MEPE: variants seen among roughly 807,000 people sequenced by gnomAD.
MEPE encodes the protein matrix, extracellular phosphoglycoprotein with ASARM motif (bone).
A neutral mutation model predicts 7.3 loss-of-function variants in MEPE; 7 were observed. The ratio of observed to expected loss-of-function variants is 0.95; its 90% CI spans 0.54 to 1.79. MEPE has a LOEUF of 1.79. MEPE is among the 40% of genes most tolerant of loss of function. MEPE has a pLI of 0.00. For synonymous variants in MEPE, 214 were observed against 213.1 expected (o/e 1.00, Z -0.04); for missense variants, 623 against 628.2 (o/e 0.99, Z 0.09).
chr4:87,834,953 T>C (rs967786253), intron 2 of MEPE, among the ~76,000 whole-genome samples, 185 bp downstream of exon 2: 4 of 152,192 alleles, frequency 2.6e-5, no homozygotes, highest in Admixed American at 2.0e-4. Flanking sequence ...AATAAACATG[T>C]GCTGAATTAT....
At chr4:87,828,263 T>C (rs1366606848), upstream of MEPE, among the ~76,000 whole-genome samples, 3 of 152,218 alleles carry the variant, frequency 2.0e-5, no homozygotes, top group South Asian at 2.1e-4. Flanking sequence ...GGGGAAATAC[T>C]GTATATTTGT....
intron 1 of MEPE, among the ~76,000 whole-genome samples, chr4:87,825,915 C>G (rs1722452335): frequency 1.3e-5 from 2 of 152,162 alleles, no homozygotes; most frequent in African/African-American, 2.4e-5. Flanking sequence ...TCAACTCCCA[C>G]TTATAAGTGA....
chr4:87,844,837 C>T, intron 3 of MEPE, 140 bp from the exon 4 acceptor site: 1 of 621,368 alleles, frequency 1.6e-6, no homozygotes, highest in Middle Eastern at 4.7e-4. Flanking sequence ...TCTAGAATGA[C>T]CTCTACCAGT....
intron 1 of MEPE, among the ~76,000 whole-genome samples, chr4:87,827,653 A>G (rs1348104716): frequency 6.6e-6 from 1 of 152,236 alleles, no homozygotes; most frequent in Non-Finnish European, 1.5e-5. Context: ...GTCCTGAAGG[A>G]AAGGGCTAGC....
chr4:87,845,919 C>G lies in MEPE; in HGVS notation c.1051C>G (p.Pro351Ala), dbSNP rs560322208. ...GGGTAGTACCAATTTTAAGGAGCTC[C>G]CTGGAAGAGAAGGAAACAGAGTGGA... ...IMGSTNFKEL[P>A]GREGNRVDAG... The change falls in exon 4 of 4, where the codon CCT (proline) becomes GCT (alanine). Residue 351 changes from proline to alanine, a missense_variant. Transcript: ENST00000361056. 6 of 1,613,886 alleles carry G rather than the reference C, an allele frequency of 3.7e-6. No individual in the cohort carries two copies. The South Asian group carries it at 6.6e-5, about 18-fold the overall frequency.
chr4:87,821,989 C>T (rs60671415), intron 1 of MEPE, among the ~76,000 whole-genome samples: 1 of 152,136 alleles, frequency 6.6e-6, no homozygotes, highest in Admixed American at 6.5e-5. Context: ...CAGCCCTTAC[C>T]TGATGCCTAA....
intron 2 of MEPE, among the ~76,000 whole-genome samples, chr4:87,836,662 G>A (rs1235969291): frequency 6.6e-6 from 1 of 152,102 alleles, no homozygotes; most frequent in Non-Finnish European, 1.5e-5. Flanking sequence ...ATGCCTTGAC[G>A]ATAATTAATA....
chr4:87,824,109 A>C (rs1402469066), intron 1 of MEPE, among the ~76,000 whole-genome samples: 1 of 152,208 alleles, frequency 6.6e-6, no homozygotes, highest in Admixed American at 6.5e-5. Flanking sequence ...TCTTTTTAAA[A>C]TATAAATTCT....
At chr4:87,844,784 G>A (rs1010126570) in intron 3 of MEPE, among the ~76,000 whole-genome samples, 193 bp from the exon 4 acceptor site, 1 of 152,018 alleles carries the variant, frequency 6.6e-6, no homozygotes, top group African/African-American at 2.4e-5. Context: ...CATTTTTCAA[G>A]CCTAGTTCAT....
chr4:87,828,110 G>T (rs550184002), upstream of MEPE, among the ~76,000 whole-genome samples: 1 of 152,210 alleles, frequency 6.6e-6, no homozygotes, highest in Admixed American at 6.5e-5. Flanking sequence ...TCTTATTTTG[G>T]ATATCAGTGG....
chr4:87,829,882 T>TTTTTTTTG (rs1553915046), upstream of MEPE, among the ~76,000 whole-genome samples: 23 of 142,784 alleles, frequency 1.6e-4, no homozygotes, highest in South Asian at 2.2e-4. Flanking sequence ...TTTTTTTTTT[T>TTTTTTTTG]GGACTTTGCT....
chr4:87,829,658 C>A (rs1479163559), upstream of MEPE, among the ~76,000 whole-genome samples: 3 of 152,060 alleles, frequency 2.0e-5, no homozygotes, highest in East Asian at 5.8e-4. Flanking sequence ...ATTATATACA[C>A]ATTATTATAG....
In MEPE at chr4:87,834,677, G is replaced by A. The variant is rs368014793; in HGVS notation, c.-12-26G>A. The A allele has an allele frequency of 2.4e-5, 38 of 1,588,044 alleles. No individual in the cohort carries two copies. The African/African-American group carries it at 4.6e-4, about 19-fold the overall frequency. ...CAGTTTATAACTGGCAATGCTTTGTGGTAAGATATTGTTGTCTTTTTACAG... is the reference window on the plus strand; with the variant it reads ...CAGTTTATAACTGGCAATGCTTTGTAGTAAGATATTGTTGTCTTTTTACAG... On this transcript the variant is annotated intron_variant, in intron 1 of 3. Transcript: ENST00000361056.
upstream of MEPE, among the ~76,000 whole-genome samples, chr4:87,831,724 A>T (rs1722604172): frequency 6.6e-6 from 1 of 152,202 alleles, no homozygotes; most frequent in South Asian, 2.1e-4. Context: ...TCTGCCATCT[A>T]ATACCCTTCT....
chr4:87,836,198 GA>G (rs2109999268), intron 2 of MEPE, among the ~76,000 whole-genome samples: 1 of 152,226 alleles, frequency 6.6e-6, no homozygotes, highest in Non-Finnish European at 1.5e-5. Flanking sequence ...GGTGGCTTAA[GA>G]AATTAGTATA....
At chr4:87,833,171 G>A (rs1405715544) in intron 1 of MEPE, among the ~76,000 whole-genome samples, 157 bp downstream of exon 1, 1 of 152,080 alleles carries the variant, frequency 6.6e-6, no homozygotes, top group Non-Finnish European at 1.5e-5. Flanking sequence ...TTATAAAATA[G>A]GAAATGCGTT....
chr4:87,830,735 A>T (rs766783180), upstream of MEPE, among the ~76,000 whole-genome samples: 1 of 151,912 alleles, frequency 6.6e-6, no homozygotes, highest in Non-Finnish European at 1.5e-5. Context: ...CTAAATAAAA[A>T]TTTTTTTAAC....
intron 3 of MEPE, among the ~76,000 whole-genome samples, chr4:87,839,151 C>T (rs1160018337): frequency 6.6e-6 from 1 of 152,160 alleles, no homozygotes; most frequent in Non-Finnish European, 1.5e-5. Flanking sequence ...ATGAATCCTC[C>T]CCGCTTTGCA....
chr4:87,829,195 T>C (rs966388812), upstream of MEPE, among the ~76,000 whole-genome samples: 2 of 152,138 alleles, frequency 1.3e-5, no homozygotes, highest in African/African-American at 4.8e-5. Context: ...TGCAACCTTC[T>C]AGCCAGAATA....
Sources: gnomAD v4.1 joint callset for allele counts (sites outside exome capture counted in the v4.1 genomes callset) on GRCh38, gnomAD v4.1.1 for gene constraint, MANE v1.5 for transcripts, NCBI Gene and HGNC (gene_info 2026-07-23, HGNC 2026-07-21) for gene names.